PRDM14: variants seen among roughly 807,000 people sequenced by gnomAD.
PRDM14 encodes PR domain zinc finger protein 14.
In PRDM14, 16 loss-of-function variants were observed where a neutral mutation model predicts 48.0. The observed-to-expected ratio is 0.33, with a 90% CI of 0.23 to 0.51. The LOEUF (loss-of-function observed/expected upper bound fraction) is 0.51. PRDM14 is among the 20% of genes least tolerant of loss of function. The probability of loss-of-function intolerance (pLI) is 0.97; values close to 1 mark genes in which losing one functional copy is unlikely to be tolerated. For missense variants in PRDM14, 566 were observed against 719.6 expected (o/e 0.79, Z 2.44); for synonymous variants, 264 against 276.6 (o/e 0.95, Z 0.45).
intron 5 of PRDM14, 38 bp from the exon 6 acceptor site, chr8:70,058,880 T>C: frequency 6.7e-7 from 1 of 1,487,954 alleles, no homozygotes; most frequent in Non-Finnish European, 9.4e-7. Flanking sequence ...CTTCAGTTAC[T>C]TCCCTCCCTA....
chr8:70,066,068 G>A (rs537240238), intron 5 of PRDM14, among the ~76,000 whole-genome samples, 167 bp downstream of exon 5: 1 of 152,258 alleles, frequency 6.6e-6, no homozygotes, highest in African/African-American at 2.4e-5. Flanking sequence ...GGGAAATTGA[G>A]GATGCTTTCC....
intron 5 of PRDM14, among the ~76,000 whole-genome samples, chr8:70,060,133 G>T (rs2131037998): frequency 6.6e-6 from 1 of 151,066 alleles, no homozygotes. Context: ...AGGTGCAGTG[G>T]CTCACGCCTA....
rs2131043812 is a variant in PRDM14 at position 70,069,294 on chromosome 8, C to G, written c.567G>C (p.Gly189=). 6.2e-7 allele frequency: 1 copy of G among 1,611,816 alleles called. No individual in the cohort carries two copies. Among genetic ancestry groups the G allele is most frequent in the Admixed American group, 1.7e-5 (1 of 59,722 alleles). The part of the protein sequence containing the change: ...EDGPKPSNQE[G]KSPARFQFTE... ...TGAACTGGAACCGAGCAGGGGACTT[C>G]CCTTCTTGGTTGGAGGGTTTGGGAC... The change falls in exon 2 of 8, where the codon GGG becomes GGC. Residue 189 remains glycine (G), a synonymous_variant. Coordinates refer to ENST00000276594, the MANE Select transcript of PRDM14 (RefSeq NM_024504.4).
intron 5 of PRDM14, among the ~76,000 whole-genome samples, chr8:70,061,844 C>A (rs766111246): frequency 6.6e-6 from 1 of 152,090 alleles, no homozygotes; most frequent in African/African-American, 2.4e-5. Context: ...CCAAAACACA[C>A]ACCCAAATTC....
Position 70,068,224 on chromosome 8 carries a change from A to G in PRDM14, c.912+6T>C, listed in dbSNP as rs1464912064. 3 of 1,614,002 alleles carry G rather than the reference A, an allele frequency of 1.9e-6. No individual in the cohort carries two copies. The highest frequency in any genetic ancestry group is 3.3e-5 in the Admixed American group (2 of 59,996). ...TCAGCAGCAGACCCACCAGAAACAGATTTACCTCCCACATCACAGAATTGT... is the reference window on the plus strand; with the variant it reads ...TCAGCAGCAGACCCACCAGAAACAGGTTTACCTCCCACATCACAGAATTGT... On this transcript the variant is annotated splice_donor_region_variant and intron_variant, in intron 4 of 7. Coordinates refer to ENST00000276594, the MANE Select transcript of PRDM14 (RefSeq NM_024504.4).
intron 5 of PRDM14, among the ~76,000 whole-genome samples, chr8:70,063,741 G>A (rs991218508): frequency 2.0e-5 from 3 of 151,984 alleles, no homozygotes; most frequent in African/African-American, 7.2e-5. Context: ...CAGGCTGGTC[G>A]TGAACTCCTG....
At chr8:70,058,582 G>A in intron 6 of PRDM14, 58 bp downstream of exon 6, 2 of 1,504,404 alleles carry the variant, frequency 1.3e-6, no homozygotes, top group Non-Finnish European at 1.8e-6. Context: ...CCCGTGTTCA[G>A]GAGCTTGGGA....
At chr8:70,068,135 T>C (rs1474089047) in intron 4 of PRDM14, 95 bp downstream of exon 4, 6 of 1,385,734 alleles carry the variant, frequency 4.3e-6, no homozygotes, top group Non-Finnish European at 6.1e-6. Context: ...CCTCTCTCTC[T>C]GACCAGGACT....
chr8:70,058,607 T>G (rs376386025), intron 6 of PRDM14, 33 bp downstream of exon 6: 53 of 1,589,486 alleles, frequency 3.3e-5, no homozygotes, highest in Admixed American at 1.2e-4. Context: ...AGAGAGAACG[T>G]GATGGTGGGT....
At position 70,068,537 on chromosome 8, in the gene PRDM14, C is replaced by G. The variant is rs201977784; in HGVS notation, c.701-5G>C. On this transcript the variant is annotated splice_region_variant and splice_polypyrimidine_tract_variant and intron_variant, in intron 2 of 7. Transcript: ENST00000276594. ...TTTGAGGAAGAGAATCAGATCCTAG[C>G]AAAAGGCAGGTTAAAACAATTTTTC... is the stretch of plus-strand genomic sequence containing the variant. 6.2e-7 allele frequency: 1 copy of G among 1,613,776 alleles called. No homozygotes were observed. The highest frequency in any genetic ancestry group is 1.1e-5 in the South Asian group (1 of 91,060).
chr8:70,052,038 T>G lies in PRDM14; in HGVS notation c.*39A>C. The G allele has an allele frequency of 2.1e-6, 3 of 1,426,720 alleles. No homozygotes were observed. The highest frequency in any genetic ancestry group is 2.9e-6 in the Non-Finnish European group (3 of 1,029,858). The allele number at this position is 1,426,720 out of a possible 1,614,324, so 88.4% of individuals were successfully genotyped here. ...ATCCACCCACCTCTGCCTCCCAAAG[T>G]GCTGGGATTACAGGCGTGAGTCATT... is the stretch of plus-strand genomic sequence containing the variant. On this transcript the variant is annotated 3_prime_UTR_variant, in exon 8 of 8. Coordinates refer to ENST00000276594, the MANE Select transcript of PRDM14 (RefSeq NM_024504.4).
In PRDM14 at chr8:70,069,735, G is replaced by T. The variant is rs1438472553; in HGVS notation, c.126C>A (p.Ser42Arg). ...PFPSYGHYRNSLATVEEDFQP... is the reference protein window; with the variant it reads ...PFPSYGHYRNRLATVEEDFQP... ...GGAAGTCTTCCTCCACGGTGGCCAG[G>T]CTGTTTCTGTAGTGTCCATAGGACG... The change falls in exon 2 of 8, where the codon AGC (serine) becomes AGA (arginine). Residue 42 changes from serine to arginine, a missense_variant. Transcript: ENST00000276594. 1.2e-5 allele frequency: 19 copies of T among 1,599,420 alleles called. No individual in the cohort carries two copies. The highest frequency in any genetic ancestry group is 1.4e-5 in the Non-Finnish European group (17 of 1,173,170).
rs776774614 is a variant in PRDM14 at position 70,052,081 on chromosome 8, T to C, written c.1712A>G (p.Tyr571Cys). 1.9e-6 allele frequency: 3 copies of C among 1,598,720 alleles called. No homozygotes were observed. In the South Asian group the frequency reaches 3.4e-5, roughly 18 times the overall value. ...GAGTCATTGTGCCTGGCAGGGCTAG[T>C]AGTCTTCATGAAACTTCATGTGGGA... ...FYSHMKFHEDY is the reference protein window; with the variant it reads ...FYSHMKFHEDC The change falls in exon 8 of 8, where the codon TAC becomes TGC. Residue 571 changes from tyrosine (Y) to cysteine (C), a missense_variant. By Grantham distance (194) the Tyr-to-Cys change is radical. Coordinates refer to ENST00000276594, the MANE Select transcript of PRDM14 (RefSeq NM_024504.4).
intron 5 of PRDM14, among the ~76,000 whole-genome samples, chr8:70,064,436 A>G (rs1394362174): frequency 2.6e-5 from 4 of 152,010 alleles, no homozygotes; most frequent in African/African-American, 9.7e-5. Context: ...TGGGATCCAG[A>G]AGCACGAGAT....
At chr8:70,055,014 C>T (rs559657780) in intron 7 of PRDM14, among the ~76,000 whole-genome samples, 1 of 152,288 alleles carries the variant, frequency 6.6e-6, no homozygotes, top group Non-Finnish European at 1.5e-5. Flanking sequence ...TGAGCCACCA[C>T]ACTCAGCTAG....
chr8:70,052,813 C>T (rs969099881), intron 7 of PRDM14, among the ~76,000 whole-genome samples: 2 of 127,298 alleles, frequency 1.6e-5, no homozygotes, highest in African/African-American at 3.0e-5. Context: ...TGCAGTAAGC[C>T]GTTATTGCAC....
intron 7 of PRDM14, among the ~76,000 whole-genome samples, chr8:70,052,940 A>G (rs762455207): frequency 6.6e-6 from 1 of 150,604 alleles, no homozygotes; most frequent in Non-Finnish European, 1.5e-5. Flanking sequence ...CTCTACAAAA[A>G]GTAAAAAAAT....
chr8:70,052,099 A>T lies in PRDM14; in HGVS notation c.1694T>A (p.Met565Lys). ...GGGCTAGTAGTCTTCATGAAACTTC[A>T]TGTGGGAGTAGAATGTTTCTTGATC... The part of the protein sequence containing the change: ...FSDQETFYSH[M>K]KFHEDY Residue 565 changes from methionine to lysine, a missense_variant, in exon 8 of 8, where the codon ATG becomes AAG. Coordinates refer to ENST00000276594, the MANE Select transcript of PRDM14 (RefSeq NM_024504.4). 1 of 1,608,486 alleles carries T rather than the reference A, an allele frequency of 6.2e-7. No individual in the cohort carries two copies.
In PRDM14 at chr8:70,057,346, T is replaced by G. The variant is rs1183339438; in HGVS notation, c.1386+1294A>C. The stretch of plus-strand genomic sequence containing the variant: ...TAAGACAATATTTTTTTTTTTTTTT[T>G]GGGATGGAGTCTCACTCCTGCCACC... On this transcript the variant is annotated intron_variant, in intron 6 of 7. Transcript: ENST00000276594. Among the ~76,000 whole-genome samples, 27 of 151,156 alleles carry G rather than the reference T, an allele frequency of 1.8e-4. No individual in the cohort carries two copies. In the South Asian group the frequency reaches 2.7e-3, roughly 15 times the overall value.
Sources: gnomAD v4.1 joint callset for allele counts (sites outside exome capture counted in the v4.1 genomes callset) on GRCh38, gnomAD v4.1.1 for gene constraint, MANE v1.5 for transcripts, NCBI Gene and HGNC (gene_info 2026-07-23, HGNC 2026-07-21) for gene names.